Variants in TMBIM4 observed in about 807,000 individuals in gnomAD.
TMBIM4 encodes the protein transmembrane BAX inhibitor motif containing 4.
Under a neutral mutation model 27.7 loss-of-function variants are expected in TMBIM4, and 28 were observed. The observed-to-expected ratio is 1.01, with a 90% CI of 0.75 to 1.38. The LOEUF (loss-of-function observed/expected upper bound fraction) is 1.38, where lower values mean the gene tolerates loss of function less well. Ranked by LOEUF, TMBIM4 falls within the 40% of genes most tolerant of loss-of-function variation. The pLI, the probability that TMBIM4 is intolerant of heterozygous loss-of-function variation, is 0.00. For missense variants in TMBIM4, 265 were observed against 277.5 expected (o/e 0.95, Z 0.32); for synonymous variants, 115 against 113.1 (o/e 1.02, Z -0.11).
chr12:66,157,694 C>T (rs890792499), intron 1 of TMBIM4, among the ~76,000 whole-genome samples: 2 of 152,120 alleles, frequency 1.3e-5, no homozygotes, highest in Non-Finnish European at 2.9e-5. Context: ...CTTTGAGACT[C>T]CTGCAGGTGA....
At position 66,160,893 on chromosome 12, in the gene TMBIM4, T is replaced by A. The variant is rs903449969; in HGVS notation, c.98-7445A>T. Among the ~76,000 whole-genome samples, 4 of 134,524 alleles carry A rather than the reference T, an allele frequency of 3.0e-5. No homozygotes were observed. In the Admixed American group the frequency reaches 3.0e-4, roughly 10 times the overall value. 88.3% of individuals were successfully genotyped at this position (134,524 alleles called of 152,430 possible). On this transcript the variant is annotated intron_variant, in intron 1 of 6. Transcript: ENST00000358230. ...AGATGGGGCGGCGGGCGGGCAGAGG[T>A]GCTCCTAACATCCCAGACGGTGAGG...
chr12:66,138,172 G>A lies in TMBIM4; in HGVS notation c.511-6C>T. 6.2e-7 allele frequency: 1 copy of A among 1,604,358 alleles called. No homozygotes were observed. Among genetic ancestry groups the A allele is most frequent in the Non-Finnish European group, 8.5e-7 (1 of 1,176,614 alleles). On this transcript the variant is annotated splice_region_variant and splice_polypyrimidine_tract_variant and intron_variant, in intron 6 of 6. Transcript: ENST00000358230. ...ATCTCACTATAAAAAAAAAACTATA[G>A]GGAAGAGATTAAAGAAATATGTTTA... is the stretch of plus-strand genomic sequence containing the variant.
chr12:66,146,902 AT>A (rs1326026911), intron 4 of TMBIM4, among the ~76,000 whole-genome samples: 1 of 152,134 alleles, frequency 6.6e-6, no homozygotes, highest in African/African-American at 2.4e-5. Flanking sequence ...TTGAAAAGAT[AT>A]TGCAATTACT....
chr12:66,138,320 A>C (rs4296075), intron 6 of TMBIM4, 154 bp from the exon 7 acceptor site: 1 of 984,522 alleles, frequency 1.0e-6, no homozygotes, highest in Non-Finnish European at 1.2e-6. Flanking sequence ...AGGCAAGGCA[A>C]GTCCAAACTT....
At chr12:66,167,963 T>C (rs552768095) in intron 1 of TMBIM4, among the ~76,000 whole-genome samples, 1 of 152,332 alleles carries the variant, frequency 6.6e-6, no homozygotes, top group South Asian at 2.1e-4. Context: ...CTCATGCCTG[T>C]AATCCCAGGA....
chr12:66,169,043 T>C, intron 1 of TMBIM4: 1 of 356,204 alleles, frequency 2.8e-6, no homozygotes. Context: ...ACTATCTTCA[T>C]CTTTCCTTTT....
At chr12:66,153,840 T>C (rs888365832) in intron 1 of TMBIM4, among the ~76,000 whole-genome samples, 3 of 152,122 alleles carry the variant, frequency 2.0e-5, no homozygotes, top group African/African-American at 7.2e-5. Flanking sequence ...ATATAAACGT[T>C]AAGTTTTTTT....
At position 66,138,120 on chromosome 12, in the gene TMBIM4, C is replaced by T. The variant is rs368618359; in HGVS notation, c.557G>A (p.Gly186Glu). ...EIMELVLAAA[G>E]ALLFCGFIIY... ...GATGAATCCACAGAAAAGAAGGGCT[C>T]CTGCAGCGGCTAAGACCAACTCCAT... The change falls in exon 7 of 7, where the codon GGA becomes GAA. Residue 186 changes from glycine to glutamate, a missense_variant. Gly to Glu is a moderately conservative substitution (Grantham distance 98). Transcript: ENST00000358230. The T allele has an allele frequency of 1.9e-6, 3 of 1,613,720 alleles. No homozygotes were observed. Among genetic ancestry groups the T allele is most frequent in the Non-Finnish European group, 2.5e-6 (3 of 1,179,998 alleles).
At chr12:66,146,495 C>T (rs539218741) in intron 4 of TMBIM4, among the ~76,000 whole-genome samples, 1 of 152,234 alleles carries the variant, frequency 6.6e-6, no homozygotes, top group African/African-American at 2.4e-5. Flanking sequence ...ATTCACTTAC[C>T]CTGCAGAGGA....
rs1367558249 is a variant in TMBIM4, at chr12:66,136,271, C to G, written c.*1689G>C. On this transcript the variant is annotated 3_prime_UTR_variant, in exon 7 of 7. Transcript: ENST00000358230. The stretch of plus-strand genomic sequence containing the variant: ...TAATTCGCCAAATGTCACTTAAGCA[C>G]CTGGTTGGACTGCAATGATTCTAAT... 1 of 152,150 alleles carries G rather than the reference C, an allele frequency of 6.6e-6. No individual in the cohort carries two copies. The highest frequency in any genetic ancestry group is 1.5e-5 in the Non-Finnish European group (1 of 68,064). 9.4% of individuals were successfully genotyped at this position (152,150 alleles called of 1,614,324 possible). A position where few individuals can be genotyped will look rare whatever the true frequency, so the allele number is the denominator to read the frequency against.
intron 1 of TMBIM4, chr12:66,169,511 C>T (rs2052196669): frequency 2.1e-6 from 1 of 484,618 alleles, no homozygotes; most frequent in East Asian, 3.5e-5. Context: ...ATTTCCACGA[C>T]GTTTCTTTTC....
rs974208470 is a variant in TMBIM4, at chr12:66,169,935, G to C, written c.17C>G (p.Pro6Arg). MADPD[P>R]RYPRSSIEDD... ...CTCGATCGAGGAGCGAGGGTACCGG[G>C]GGTCGGGGTCAGCCATGATGGCAAC... The change falls in exon 1 of 7, where the codon CCC (proline) becomes CGC (arginine). Residue 6 changes from proline to arginine, a missense_variant. Transcript: ENST00000358230. The C allele has an allele frequency of 1.3e-6, 2 of 1,496,370 alleles. No homozygotes were observed. Among genetic ancestry groups the C allele is most frequent in the South Asian group, 2.5e-5 (2 of 78,788 alleles). The allele number at this position is 1,496,370 out of a possible 1,614,324, so 92.7% of individuals were successfully genotyped here.
chr12:66,168,008 C>A (rs10878391), intron 1 of TMBIM4, among the ~76,000 whole-genome samples: 1 of 151,812 alleles, frequency 6.6e-6, no homozygotes, highest in Non-Finnish European at 1.5e-5. Flanking sequence ...TCGCTTGAGT[C>A]CAGGAGTTCA....
At chr12:66,145,674 G>A (rs2051739557) in intron 5 of TMBIM4, among the ~76,000 whole-genome samples, 167 bp downstream of exon 5, 2 of 151,512 alleles carry the variant, frequency 1.3e-5, no homozygotes, top group African/African-American at 4.9e-5. Flanking sequence ...CCATTTCTGT[G>A]TATGTTCTAG....
At chr12:66,158,407 A>G (rs1266418791) in intron 1 of TMBIM4, among the ~76,000 whole-genome samples, 1 of 151,916 alleles carries the variant, frequency 6.6e-6, no homozygotes, top group Admixed American at 6.6e-5. Context: ...TTGGGAGGCC[A>G]AGGCGGGCAG....
chr12:66,162,777 C>G (rs1420281584), intron 1 of TMBIM4, among the ~76,000 whole-genome samples: 1 of 152,132 alleles, frequency 6.6e-6, no homozygotes, highest in Non-Finnish European at 1.5e-5. Context: ...TTTGTTATTC[C>G]CAAACAAAAT....
intron 1 of TMBIM4, chr12:66,168,874 T>A: frequency 1.1e-5 from 2 of 184,778 alleles, no homozygotes; most frequent in South Asian, 1.8e-4. Flanking sequence ...ACTACTGAAC[T>A]ATACACTTAA....
intron 1 of TMBIM4, among the ~76,000 whole-genome samples, chr12:66,156,398 G>C (rs2051936534): frequency 6.6e-6 from 1 of 152,098 alleles, no homozygotes; most frequent in African/African-American, 2.4e-5. Flanking sequence ...CAATCTATCA[G>C]CAACTACTGT....
At chr12:66,155,349 A>AGG in intron 1 of TMBIM4, among the ~76,000 whole-genome samples, 1 of 151,582 alleles carries the variant, frequency 6.6e-6, no homozygotes, top group Admixed American at 6.6e-5. Flanking sequence ...AGAGAGAGAG[A>AGG]GAGAGAGAGA....
Sources: allele counts gnomAD v4.1 joint callset (sites outside exome capture counted in the v4.1 genomes callset), GRCh38; gene constraint gnomAD v4.1.1; transcripts MANE v1.5; gene names NCBI Gene and HGNC (gene_info 2026-07-23, HGNC 2026-07-21).